Variants in KIAA1328 observed in about 807,000 individuals in gnomAD.
KIAA1328 encodes protein hinderin.
A neutral mutation model predicts 68.1 loss-of-function variants in KIAA1328; 52 were observed. That is an observed-to-expected ratio of 0.76 (90% CI 0.61 to 0.96). The LOEUF is 0.96. Among genes scored for constraint, KIAA1328 ranks in the 40% least tolerant of loss-of-function variants. The probability of loss-of-function intolerance (pLI) is 0.00; values close to 1 mark genes in which losing one functional copy is unlikely to be tolerated. For synonymous variants in KIAA1328, 232 were observed against 239.4 expected (o/e 0.97, Z 0.28); for missense variants, 641 against 677.6 (o/e 0.95, Z 0.60).
chr18:36,975,079 G>A (rs2151338370), intron 6 of KIAA1328, among the ~76,000 whole-genome samples: 1 of 152,098 alleles, frequency 6.6e-6, no homozygotes, highest in Middle Eastern at 3.4e-3. Flanking sequence ...AGAGAGGATT[G>A]GGTTATCCTT....
rs1441856655 is a variant in KIAA1328, at chr18:37,096,796, GT to G, written c.1232+29255del. Among the ~76,000 whole-genome samples, 9 of 152,238 alleles carry G rather than the reference GT, an allele frequency of 5.9e-5. No homozygotes were observed. In the South Asian group the frequency reaches 1.0e-3, roughly 18 times the overall value. The stretch of plus-strand genomic sequence containing the variant: ...TGGGGTGAGGTGGTATCTCATTGTG[GT>G]TTTGATTTGCATTTCTCTGATGGCC... On this transcript the variant is annotated intron_variant, in intron 7 of 9. Coordinates refer to ENST00000280020, the MANE Select transcript of KIAA1328 (RefSeq NM_020776.3).
intron 6 of KIAA1328, among the ~76,000 whole-genome samples, chr18:37,017,577 T>C (rs781005550): frequency 4.6e-5 from 7 of 152,186 alleles, no homozygotes; most frequent in Non-Finnish European, 7.4e-5. Context: ...AGTCCTCCAA[T>C]ACTATTGTGT....
At chr18:37,002,420 G>A (rs1026316292) in intron 6 of KIAA1328, among the ~76,000 whole-genome samples, 2 of 151,296 alleles carry the variant, frequency 1.3e-5, no homozygotes, top group Non-Finnish European at 2.9e-5. Flanking sequence ...GAGTCTCACT[G>A]TGTTGCTCAG....
At chr18:37,178,891 T>C (rs118108673) in intron 9 of KIAA1328, among the ~76,000 whole-genome samples, 10 of 152,352 alleles carry the variant, frequency 6.6e-5, no homozygotes, top group Admixed American at 1.3e-4. Context: ...GAGAAATGTC[T>C]ATTCAGGTCT....
At chr18:37,053,684 T>C (rs1416772875) in intron 6 of KIAA1328, among the ~76,000 whole-genome samples, 1 of 152,152 alleles carries the variant, frequency 6.6e-6, no homozygotes, top group Non-Finnish European at 1.5e-5. Flanking sequence ...CTTACAATCA[T>C]GGTGGGAGGG....
intron 6 of KIAA1328, among the ~76,000 whole-genome samples, chr18:37,039,094 C>G (rs928465241): frequency 6.6e-6 from 1 of 151,878 alleles, no homozygotes; most frequent in Non-Finnish European, 1.5e-5. Flanking sequence ...GTCCTTTTTT[C>G]TTATATGGGA....
intron 6 of KIAA1328, among the ~76,000 whole-genome samples, chr18:37,028,070 A>G (rs2054664365): frequency 6.6e-6 from 1 of 152,178 alleles, no homozygotes; most frequent in Admixed American, 6.6e-5. Flanking sequence ...ACTTCTCAAA[A>G]GAAGACATTT....
intron 6 of KIAA1328, among the ~76,000 whole-genome samples, chr18:37,049,019 A>C (rs567039940): frequency 1.8e-4 from 28 of 152,162 alleles, no homozygotes; most frequent in Non-Finnish European, 4.0e-4. Context: ...TATATTGGAG[A>C]GGTGCCAAAA....
At position 36,896,964 on chromosome 18, in the gene KIAA1328, T is replaced by C. The variant is rs541137217; in HGVS notation, c.448+11292T>C. Among the ~76,000 whole-genome samples the C allele has an allele frequency of 7.2e-5, 11 of 152,180 alleles. No individual in the cohort carries two copies. The South Asian group carries it at 1.5e-3, about 20-fold the overall frequency. On this transcript the variant is annotated intron_variant, in intron 5 of 9. Transcript: ENST00000280020. ...TTAACCTTAGGATGGCCTTAACTTA[T>C]GAATAAATGATTTAGATGGTAATAC...
At chr18:36,951,312 A>G (rs1255591709) in intron 5 of KIAA1328, among the ~76,000 whole-genome samples, 2 of 152,070 alleles carry the variant, frequency 1.3e-5, no homozygotes, top group African/African-American at 4.8e-5. Flanking sequence ...TCATTATTGT[A>G]TGTCTGGCAT....
intron 6 of KIAA1328, among the ~76,000 whole-genome samples, chr18:37,031,707 A>C (rs537027231): frequency 6.6e-6 from 1 of 151,794 alleles, no homozygotes; most frequent in East Asian, 1.9e-4. Flanking sequence ...ATCACCTTTT[A>C]ATTTATTTTC....
At position 37,030,006 on chromosome 18, in the gene KIAA1328, T is replaced by A. The variant is rs75768293; in HGVS notation, c.577-36884T>A. On this transcript the variant is annotated intron_variant, in intron 6 of 9. Coordinates refer to ENST00000280020, the MANE Select transcript of KIAA1328 (RefSeq NM_020776.3). ...TATATGTAGTATAATTCAGCATGCA[T>A]AACATTCCTTTATTATCTTAATATC... 3.1e-3 allele frequency among the ~76,000 whole-genome samples: 478 copies of A among 152,336 alleles called. 3 individuals carry two copies. Among genetic ancestry groups the A allele is most frequent in the African/African-American group, 0.011 (457 of 41,594 alleles).
At chr18:36,999,952 AATAT>A (rs1170729775) in intron 6 of KIAA1328, among the ~76,000 whole-genome samples, 1 of 152,158 alleles carries the variant, frequency 6.6e-6, no homozygotes, top group Admixed American at 6.5e-5. Context: ...GGGAACAAAG[AATAT>A]ATAAGACAAT....
chr18:36,838,143 G>A (rs992554667), intron 3 of KIAA1328, among the ~76,000 whole-genome samples: 3 of 152,118 alleles, frequency 2.0e-5, no homozygotes, highest in African/African-American at 7.2e-5. Flanking sequence ...AAATTCAGTT[G>A]ATTTGTGAAT....
intron 6 of KIAA1328, among the ~76,000 whole-genome samples, chr18:37,014,898 A>ATATTT (rs1416197752): frequency 2.6e-5 from 4 of 152,146 alleles, no homozygotes; most frequent in Admixed American, 6.6e-5. Context: ...TCTTGAGTTT[A>ATATTT]TATTTTATTT....
chr18:36,872,621 C>G (rs747159649), intron 4 of KIAA1328, among the ~76,000 whole-genome samples: 2 of 152,062 alleles, frequency 1.3e-5, no homozygotes, highest in African/African-American at 4.8e-5. Context: ...AAAAGTCTGC[C>G]CATTACCAAG....
chr18:36,855,464 T>C (rs557261169), intron 4 of KIAA1328, among the ~76,000 whole-genome samples: 2 of 152,200 alleles, frequency 1.3e-5, no homozygotes, highest in Admixed American at 6.5e-5. Flanking sequence ...TGTAGAAATA[T>C]CTGTTCAAGT....
chr18:36,982,558 A>C (rs1163559405), intron 6 of KIAA1328, among the ~76,000 whole-genome samples: 1 of 152,044 alleles, frequency 6.6e-6, no homozygotes, highest in Non-Finnish European at 1.5e-5. Flanking sequence ...TTTAAAAGCC[A>C]AAATCAAGGT....
intron 5 of KIAA1328, among the ~76,000 whole-genome samples, chr18:36,931,257 G>C (rs1249346892): frequency 6.6e-6 from 1 of 152,112 alleles, no homozygotes; most frequent in Admixed American, 6.5e-5. Flanking sequence ...TTAGTGACCT[G>C]TTAGGAACCT....
Sources: allele counts gnomAD v4.1 joint callset (sites outside exome capture counted in the v4.1 genomes callset), GRCh38; gene constraint gnomAD v4.1.1; transcripts MANE v1.5; gene names NCBI Gene and HGNC (gene_info 2026-07-23, HGNC 2026-07-21).